Variants in SLA observed in about 807,000 individuals in gnomAD.
The protein encoded by SLA is src-like-adapter.
A neutral mutation model predicts 30.3 loss-of-function variants in SLA; 16 were observed. The ratio of observed to expected loss-of-function variants is 0.53; its 90% CI spans 0.36 to 0.80. SLA has a LOEUF of 0.80. SLA is among the 30% of genes least tolerant of loss of function. The probability of loss-of-function intolerance (pLI) is 0.01; values close to 1 mark genes in which losing one functional copy is unlikely to be tolerated. For missense variants in SLA, 310 were observed against 345.2 expected (o/e 0.90, Z 0.81); for synonymous variants, 143 against 137.8 (o/e 1.04, Z -0.26).
intron 3 of SLA, 144 bp downstream of exon 3, chr8:133,059,956 A>G (rs781520364): frequency 4.1e-5 from 34 of 832,604 alleles, no homozygotes; most frequent in South Asian, 7.1e-5. Context: ...TTGAACCACA[A>G]ACAAAACTAG....
chr8:133,074,860 C>T lies in SLA; in HGVS notation c.-48G>A. On this transcript the variant is annotated 5_prime_UTR_variant, in exon 2 of 9. The change creates a new upstream start codon in the 5' untranslated region. Transcript: ENST00000338087. ...CACATACTCCCAAAATACCTTCACA[C>T]ACTGGGCATGACTCCTGTGGGAGCT... 3.0e-6 allele frequency: 3 copies of T among 985,644 alleles called. No homozygotes were observed. The highest frequency in any genetic ancestry group is 3.6e-6 in the Non-Finnish European group (3 of 830,052). The allele number at this position is 985,644 out of a possible 1,614,324, so 61.1% of individuals were successfully genotyped here. A position where few individuals can be genotyped will look rare whatever the true frequency, so the allele number is the denominator to read the frequency against.
intron 3 of SLA, among the ~76,000 whole-genome samples, chr8:133,058,548 G>A (rs1456780376): frequency 4.6e-5 from 7 of 152,352 alleles, no homozygotes; most frequent in South Asian, 2.1e-4. Flanking sequence ...AGATGGGTTC[G>A]GTGGGTGGGT....
At position 133,038,407 on chromosome 8, in the gene SLA, T is replaced by C; in HGVS notation, c.*117A>G. On this transcript the variant is annotated 3_prime_UTR_variant, in exon 9 of 9. Transcript: ENST00000338087. ...ATTTGAGTCTCCATGTGGCTTCTCT[T>C]GGCTTCTAAAATACGTGAGGCTCCC... 1 of 786,668 alleles carries C rather than the reference T, an allele frequency of 1.3e-6. No individual in the cohort carries two copies. The highest frequency in any genetic ancestry group is 2.2e-6 in the Non-Finnish European group (1 of 459,834). 48.7% of individuals were successfully genotyped at this position (786,668 alleles called of 1,614,324 possible).
At chr8:133,073,759 C>T (rs1301669332) in intron 2 of SLA, among the ~76,000 whole-genome samples, 3 of 152,202 alleles carry the variant, frequency 2.0e-5, no homozygotes, top group East Asian at 3.9e-4. Context: ...GCTCTGCATC[C>T]GCTTGTTCTC....
chr8:133,049,947 C>T lies in SLA; in HGVS notation c.203G>A (p.Arg68Gln), dbSNP rs554349415. 19 of 1,613,710 alleles carry T rather than the reference C, an allele frequency of 1.2e-5. No individual in the cohort carries two copies. The highest frequency in any genetic ancestry group is 1.1e-4 in the African/African-American group (8 of 75,034). ...ACATATTCCAGGGATGTAACTCTCT[C>T]GACCAGTGCTAAGAGAAATAGCTTT... ...WWKAISLSTG[R>Q]ESYIPGICVA... The change falls in exon 5 of 9, where the codon CGA (arginine) becomes CAA (glutamine). Residue 68 changes from arginine (R) to glutamine (Q), a missense_variant. Transcript: ENST00000338087.
At chr8:133,062,226 A>G (rs980339694) in intron 2 of SLA, among the ~76,000 whole-genome samples, 4 of 152,168 alleles carry the variant, frequency 2.6e-5, no homozygotes, top group African/African-American at 9.7e-5. Flanking sequence ...CTCACAAACC[A>G]GAAAAACATG....
Position 133,065,421 on chromosome 8 carries a change from A to G in SLA, c.-40-5221T>C, listed in dbSNP as rs186760035. Among the ~76,000 whole-genome samples the G allele has an allele frequency of 8.5e-4, 130 of 152,356 alleles. 1 individual carries two copies. In the Middle Eastern group the frequency reaches 0.01, roughly 12 times the overall value. ...GCCCTGTTTTGCTGTCCTCTGACAG[A>G]AAAGAAGAGATTTTCAAACCCAAGA... On this transcript the variant is annotated intron_variant, in intron 2 of 8. Coordinates refer to ENST00000338087, the MANE Select transcript of SLA (RefSeq NM_001045556.3).
At chr8:133,069,602 C>T (rs1009494529) in intron 2 of SLA, among the ~76,000 whole-genome samples, 1 of 152,146 alleles carries the variant, frequency 6.6e-6, no homozygotes, top group African/African-American at 2.4e-5. Context: ...TGACCGTCTC[C>T]CCTACTGGAC....
intron 2 of SLA, among the ~76,000 whole-genome samples, chr8:133,065,183 C>T (rs1842880155): frequency 6.6e-6 from 1 of 152,196 alleles, no homozygotes; most frequent in Non-Finnish European, 1.5e-5. Context: ...AGAACACCCC[C>T]ATCCCACAAT....
chr8:133,101,952 T>A (rs1281381216), intron 1 of SLA, among the ~76,000 whole-genome samples: 2 of 152,192 alleles, frequency 1.3e-5, no homozygotes, highest in Non-Finnish European at 2.9e-5. Flanking sequence ...ATCACGAGCA[T>A]CCAAGTTACC....
At chr8:133,080,885 G>A (rs1845639912) in intron 1 of SLA, among the ~76,000 whole-genome samples, 1 of 152,222 alleles carries the variant, frequency 6.6e-6, no homozygotes. Flanking sequence ...AGATGTCCAT[G>A]CATCTTCCTA....
intron 2 of SLA, among the ~76,000 whole-genome samples, chr8:133,064,403 C>T (rs1842790905): frequency 6.6e-6 from 1 of 152,228 alleles, no homozygotes; most frequent in Non-Finnish European, 1.5e-5. Flanking sequence ...GTGAGGCAAT[C>T]TGCAGATATT....
chr8:133,094,848 T>C, intron 1 of SLA: 1 of 705,822 alleles, frequency 1.4e-6, no homozygotes, highest in Non-Finnish European at 2.5e-6. Context: ...TAGAGAGACA[T>C]CTTCAGTATC....
chr8:133,048,933 C>T (rs1173967189), intron 5 of SLA: 15 of 309,826 alleles, frequency 4.8e-5, no homozygotes, highest in Middle Eastern at 1.0e-3. Flanking sequence ...CATGTAGAGT[C>T]CTCTGGACAT....
chr8:133,102,558 G>A lies in SLA; in HGVS notation c.-324C>T. On this transcript the variant is annotated 5_prime_UTR_variant, in exon 1 of 9. Coordinates refer to ENST00000338087, the MANE Select transcript of SLA (RefSeq NM_001045556.3). ...CAGCAAAGTTAGCAACCTACCGGTG[G>A]AGCATCAGGGCTGCCTGAGATGTTC... is the stretch of plus-strand genomic sequence containing the variant. The A allele has an allele frequency of 1.3e-6, 2 of 1,551,600 alleles. No homozygotes were observed. The highest frequency in any genetic ancestry group is 1.7e-6 in the Non-Finnish European group (2 of 1,146,888).
chr8:133,067,198 C>A (rs149568817), intron 2 of SLA, among the ~76,000 whole-genome samples: 13 of 152,038 alleles, frequency 8.6e-5, no homozygotes, highest in Non-Finnish European at 1.5e-4. Flanking sequence ...TCTCTGAGTG[C>A]GAGGCTGGGG....
intron 2 of SLA, 88 bp from the exon 3 acceptor site, chr8:133,060,288 C>A (rs529570281): frequency 3.9e-5 from 62 of 1,586,458 alleles, no homozygotes; most frequent in Middle Eastern, 1.7e-4. Flanking sequence ...CATCGTGCAT[C>A]ATTTTTCTGG....
At chr8:133,069,582 G>T (rs1007420664) in intron 2 of SLA, among the ~76,000 whole-genome samples, 1 of 152,224 alleles carries the variant, frequency 6.6e-6, no homozygotes, top group Non-Finnish European at 1.5e-5. Context: ...TTGTGTGACT[G>T]AGTGGTGAGT....
At chr8:133,038,772 A>C (rs186233001) in intron 8 of SLA, 35 bp from the exon 9 acceptor site, 1 of 1,453,680 alleles carries the variant, frequency 6.9e-7, no homozygotes, top group Non-Finnish European at 9.6e-7. Context: ...AGAGAAAGGG[A>C]AAAAAAGAGA....
Sources: gnomAD v4.1 joint callset for allele counts (sites outside exome capture counted in the v4.1 genomes callset) on GRCh38, gnomAD v4.1.1 for gene constraint, MANE v1.5 for transcripts, NCBI Gene and HGNC (gene_info 2026-07-23, HGNC 2026-07-21) for gene names.